Variants in NDUFA3 observed in about 807,000 individuals in gnomAD.
The protein encoded by NDUFA3 is NADH dehydrogenase [ubiquinone] 1 alpha subcomplex subunit 3.
Under a neutral mutation model 11.4 loss-of-function variants are expected in NDUFA3, and 10 were observed. That is an observed-to-expected ratio of 0.87 (90% CI 0.54 to 1.48). The LOEUF (loss-of-function observed/expected upper bound fraction) is 1.48. Among genes scored for constraint, NDUFA3 ranks in the 40% most tolerant of loss-of-function variants. The pLI, the probability that NDUFA3 is intolerant of heterozygous loss-of-function variation, is 0.00. For synonymous variants in NDUFA3, 39 were observed against 46.9 expected (o/e 0.83, Z 0.68); for missense variants, 115 against 110.5 (o/e 1.04, Z -0.18).
chr19:54,106,290 C>T, intron 3 of NDUFA3: 1 of 465,812 alleles, frequency 2.1e-6, no homozygotes, highest in Non-Finnish European at 3.8e-6. Context: ...GCTCAGCCTC[C>T]CGAGTAGCTG....
intron 3 of NDUFA3, 174 bp from the exon 4 acceptor site, chr19:54,106,637 C>T (rs1350235610): frequency 4.4e-5 from 23 of 524,112 alleles, no homozygotes; most frequent in Admixed American, 2.3e-4. Flanking sequence ...TCTGGTTTTC[C>T]GTGTCTCTCA....
chr19:54,107,077 CGGGTAGGG>C lies in NDUFA3; in HGVS notation c.*176_*183del. ...AGTCAGAGGCTGGGCTGGCCAGGGT[CGGGTAGGG>C]CAGCAGTTTGTCTGGACCCCGAGAA... On this transcript the variant is annotated 3_prime_UTR_variant, in exon 4 of 4. Transcript: ENST00000485876. 1 of 1,613,770 alleles carries C rather than the reference CGGGTAGGG, an allele frequency of 6.2e-7. No homozygotes were observed. Among genetic ancestry groups the C allele is most frequent in the African/African-American group, 1.3e-5 (1 of 74,930 alleles).
chr19:54,104,487 A>G (rs1473887668), intron 2 of NDUFA3, among the ~76,000 whole-genome samples: 3 of 152,078 alleles, frequency 2.0e-5, no homozygotes, highest in African/African-American at 4.8e-5. Flanking sequence ...GCATTTTTGA[A>G]GAGTTCCCAG....
In NDUFA3 at chr19:54,107,538, TGC is replaced by T; in HGVS notation, c.*637_*638del. 1 of 301,938 alleles carries T rather than the reference TGC, an allele frequency of 3.3e-6. No homozygotes were observed. 18.7% of individuals were successfully genotyped at this position (301,938 alleles called of 1,614,324 possible). On this transcript the variant is annotated 3_prime_UTR_variant, in exon 4 of 4. Transcript: ENST00000485876. The stretch of plus-strand genomic sequence containing the variant: ...TGCCGGGATTACAGGCATGAGCCAC[TGC>T]ACCTGGCCAGCCTCACAGTTCTTGT...
At chr19:54,105,450 G>C in intron 2 of NDUFA3, 1 of 235,220 alleles carries the variant, frequency 4.3e-6, no homozygotes, top group South Asian at 4.7e-5. Context: ...CGTATCTTTA[G>C]TAGAGATGGG....
intron 2 of NDUFA3, among the ~76,000 whole-genome samples, chr19:54,103,701 G>A (rs2073164473): frequency 2.0e-5 from 3 of 151,234 alleles, no homozygotes; most frequent in Admixed American, 2.0e-4. Flanking sequence ...TTTTTTTTGC[G>A]ATGGAGTCTC....
rs762583038 is a variant in NDUFA3 at position 54,107,193 on chromosome 19, G to A, written c.*291G>A. On this transcript the variant is annotated 3_prime_UTR_variant, in exon 4 of 4. Coordinates refer to ENST00000485876, the MANE Select transcript of NDUFA3 (RefSeq NM_004542.4). ...ATCTGCAGGAGATAAGGAACAAGGT[G>A]TTAACAGGCCTGGGAATCTAGAAAA... 14 of 1,602,134 alleles carry A rather than the reference G, an allele frequency of 8.7e-6. No individual in the cohort carries two copies. The highest frequency in any genetic ancestry group is 9.4e-6 in the Non-Finnish European group (11 of 1,175,456).
In NDUFA3 at chr19:54,106,390, C is replaced by T. The variant is rs189814370; in HGVS notation, c.163+379C>T. 1.4e-3 allele frequency: 459 copies of T among 335,172 alleles called. 1 individual carries two copies. The highest frequency in any genetic ancestry group is 1.3e-3 in the Non-Finnish European group (242 of 180,294). 20.8% of individuals were successfully genotyped at this position (335,172 alleles called of 1,614,324 possible). A position where few individuals can be genotyped will look rare whatever the true frequency, so the allele number is the denominator to read the frequency against. Reference sequence around the variant, plus strand: ...TTCACCGTGTTAGCCAGGATTGTCTCGATCTCCTGACCTTGTGATCCACTC... The same window carrying T: ...TTCACCGTGTTAGCCAGGATTGTCTTGATCTCCTGACCTTGTGATCCACTC... On this transcript the variant is annotated intron_variant, in intron 3 of 3. Coordinates refer to ENST00000485876, the MANE Select transcript of NDUFA3 (RefSeq NM_004542.4).
intron 3 of NDUFA3, 116 bp downstream of exon 3, chr19:54,106,127 C>T (rs587722835): frequency 5.5e-5 from 49 of 896,288 alleles, no homozygotes; most frequent in South Asian, 5.0e-4. Context: ...CAGTGGTGCC[C>T]GGACCCCCCG....
At chr19:54,104,414 C>T (rs1172135773) in intron 2 of NDUFA3, among the ~76,000 whole-genome samples, 1 of 152,114 alleles carries the variant, frequency 6.6e-6, no homozygotes. Flanking sequence ...CAGGGGTGAG[C>T]CACTGCGCCC....
rs181683470 is a variant in NDUFA3 at position 54,105,637 on chromosome 19, C to T, written c.86-297C>T. 115 of 638,792 alleles carry T rather than the reference C, an allele frequency of 1.8e-4. No individual in the cohort carries two copies. The African/African-American group carries it at 2.0e-3, about 11-fold the overall frequency. The allele number at this position is 638,792 out of a possible 1,614,324, so 39.6% of individuals were successfully genotyped here. ...CTACCCCCAGGATGCTCCATGATGA[C>T]CCTACACTCAAACGTGCTCATTCCA... On this transcript the variant is annotated intron_variant, in intron 2 of 3. Coordinates refer to ENST00000485876, the MANE Select transcript of NDUFA3 (RefSeq NM_004542.4).
chr19:54,105,108 T>A (rs2146337821), intron 2 of NDUFA3, among the ~76,000 whole-genome samples: 3 of 152,160 alleles, frequency 2.0e-5, no homozygotes, highest in Non-Finnish European at 4.4e-5. Flanking sequence ...GATATAAAAT[T>A]ATATACCTGG....
intron 1 of NDUFA3, 35 bp from the exon 2 acceptor site, chr19:54,103,079 A>C: frequency 6.2e-7 from 1 of 1,605,484 alleles, no homozygotes; most frequent in Non-Finnish European, 8.5e-7. Flanking sequence ...GGGGGCAGCT[A>C]CTTGCAGGGG....
chr19:54,107,420 T>G lies in NDUFA3; in HGVS notation c.*518T>G. Reference sequence around the variant, plus strand: ...CTTGCCAACCAAGCCTAACATGTTTTTTCTTTTTGGTAGAGATGGGGTCTC... The same window carrying G: ...CTTGCCAACCAAGCCTAACATGTTTGTTCTTTTTGGTAGAGATGGGGTCTC... On this transcript the variant is annotated 3_prime_UTR_variant, in exon 4 of 4. Transcript: ENST00000485876. 1.9e-6 allele frequency: 1 copy of G among 516,374 alleles called. No homozygotes were observed. Among genetic ancestry groups the G allele is most frequent in the African/African-American group, 1.9e-5 (1 of 51,572 alleles). The allele number at this position is 516,374 out of a possible 1,614,324, so 32.0% of individuals were successfully genotyped here. A position where few individuals can be genotyped will look rare whatever the true frequency, so the allele number is the denominator to read the frequency against.
intron 2 of NDUFA3, among the ~76,000 whole-genome samples, chr19:54,104,033 C>G (rs1352586654): frequency 1.3e-5 from 2 of 151,884 alleles, no homozygotes; most frequent in African/African-American, 2.4e-5. Context: ...CGGGGTTTCA[C>G]CGTGTTAGCC....
At position 54,103,202 on chromosome 19, in the gene NDUFA3, C is replaced by T. The variant is rs2073142570; in HGVS notation, c.85+14C>T. 6.3e-7 allele frequency: 1 copy of T among 1,582,766 alleles called. No homozygotes were observed. The highest frequency in any genetic ancestry group is 8.6e-7 in the Non-Finnish European group (1 of 1,160,988). ...TCGGGGGCCTCGGTGCGTGAGTGCTCCAGGCGCAAACTTGCATCGTCCACC... is the reference window on the plus strand; with the variant it reads ...TCGGGGGCCTCGGTGCGTGAGTGCTTCAGGCGCAAACTTGCATCGTCCACC... On this transcript the variant is annotated intron_variant, in intron 2 of 3. Transcript: ENST00000485876.
intron 2 of NDUFA3, chr19:54,105,569 A>T (rs2073232503): frequency 2.2e-6 from 1 of 455,110 alleles, no homozygotes; most frequent in Admixed American, 2.8e-5. Flanking sequence ...GTGCCCGGCC[A>T]AATTTGTAAC....
intron 2 of NDUFA3, among the ~76,000 whole-genome samples, chr19:54,104,945 T>C (rs1414178287): frequency 6.6e-6 from 1 of 151,924 alleles, no homozygotes; most frequent in African/African-American, 2.4e-5. Context: ...ATCATATTGG[T>C]CAGGCTGGTC....
rs191879238 is a variant in NDUFA3 at position 54,106,038 on chromosome 19, C to T, written c.163+27C>T. Reference sequence around the variant, plus strand: ...TGAGTGGGGGCCAGGCAGGGATCCCCGGAATAGGCCCAGCCTCCCTGTGCT... The same window carrying T: ...TGAGTGGGGGCCAGGCAGGGATCCCTGGAATAGGCCCAGCCTCCCTGTGCT... On this transcript the variant is annotated intron_variant, in intron 3 of 3. Transcript: ENST00000485876. 3.4e-3 allele frequency: 5,380 copies of T among 1,583,776 alleles called. 19 individuals are homozygous for T. Among genetic ancestry groups the T allele is most frequent in the Admixed American group, 4.2e-3 (251 of 59,940 alleles).
Sources: gnomAD v4.1 joint callset for allele counts (sites outside exome capture counted in the v4.1 genomes callset) on GRCh38, gnomAD v4.1.1 for gene constraint, MANE v1.5 for transcripts, NCBI Gene and HGNC (gene_info 2026-07-23, HGNC 2026-07-21) for gene names.